Variants in LRCH3 observed in about 807,000 individuals in gnomAD.
LRCH3 encodes the protein leucine rich repeats and calponin homology domain containing 3, also known as DISP complex protein LRCH3.
Under a neutral mutation model 104.5 loss-of-function variants are expected in LRCH3, and 68 were observed. The observed-to-expected ratio is 0.65, with a 90% CI of 0.54 to 0.80. The LOEUF (loss-of-function observed/expected upper bound fraction) is 0.80, where lower values mean the gene tolerates loss of function less well. LRCH3 is among the 30% of genes least tolerant of loss of function. LRCH3 has a pLI of 0.00. For missense variants in LRCH3, 951 were observed against 953.9 expected (o/e 1.00, Z 0.04); for synonymous variants, 344 against 361.3 (o/e 0.95, Z 0.54).
chr3:197,803,715 T>C (rs142505135), intron 1 of LRCH3, among the ~76,000 whole-genome samples: 2 of 151,930 alleles, frequency 1.3e-5, no homozygotes, highest in Non-Finnish European at 2.9e-5. Context: ...TGGAGGATAG[T>C]GGTTTTTCAC....
At chr3:197,867,788 G>A (rs905316605) in intron 17 of LRCH3, among the ~76,000 whole-genome samples, 2 of 152,148 alleles carry the variant, frequency 1.3e-5, no homozygotes, top group African/African-American at 4.8e-5. Flanking sequence ...CCGGGAGGCA[G>A]AGCTTGCAGT....
chr3:197,791,404 G>T lies in LRCH3; in HGVS notation c.126G>T (p.Pro42=), dbSNP rs757294924. ...CCGGGGCAGGCCCTGGTTTTGGCCC[G>T]GGCTCGTGGAGCCGCTCTCTCGATC... is the stretch of plus-strand genomic sequence containing the variant. ...PSSGAGPGFG[P]GSWSRSLDRA... Residue 42 remains proline, a synonymous_variant, in exon 1 of 21, where the codon CCG becomes CCT. Transcript: ENST00000425562. 1.1e-5 allele frequency: 17 copies of T among 1,592,876 alleles called. No homozygotes were observed. Among genetic ancestry groups the T allele is most frequent in the Middle Eastern group, 1.7e-4 (1 of 6,048 alleles).
chr3:197,883,791 C>A lies in LRCH3; in HGVS notation c.*125C>A. On this transcript the variant is annotated 3_prime_UTR_variant, in exon 21 of 21. Coordinates refer to ENST00000425562, the MANE Select transcript of LRCH3 (RefSeq NM_001365715.1). The surrounding 1 kb of genome is among the most constrained non-coding windows in gnomAD (Gnocchi z 4.2). ...CTCAGAAGGGACCGTTCCCATGATTCCTAACAGGAATATTTTGCTTCATTT... is the reference window on the plus strand; with the variant it reads ...CTCAGAAGGGACCGTTCCCATGATTACTAACAGGAATATTTTGCTTCATTT... 1 of 1,018,768 alleles carries A rather than the reference C, an allele frequency of 9.8e-7. No homozygotes were observed. The highest frequency in any genetic ancestry group is 1.3e-6 in the Non-Finnish European group (1 of 765,360). The allele number at this position is 1,018,768 out of a possible 1,614,324, so 63.1% of individuals were successfully genotyped here.
chr3:197,877,961 A>G (rs575416485), intron 20 of LRCH3, among the ~76,000 whole-genome samples: 2 of 152,338 alleles, frequency 1.3e-5, no homozygotes, highest in South Asian at 2.1e-4. Context: ...TTCTGAAGAA[A>G]TAACATACAT....
chr3:197,880,911 CA>C, intron 20 of LRCH3: 1 of 1,423,510 alleles, frequency 7.0e-7, no homozygotes, highest in Non-Finnish European at 9.1e-7. Flanking sequence ...CGATTGCTAA[CA>C]AAGAGTAAAA....
At chr3:197,866,673 C>T (rs1580866611) in intron 17 of LRCH3, among the ~76,000 whole-genome samples, 1 of 152,236 alleles carries the variant, frequency 6.6e-6, no homozygotes, top group East Asian at 1.9e-4. Flanking sequence ...AAAATAACAA[C>T]TTTTATCATG....
At chr3:197,835,226 CAA>C (rs1211170839) in intron 8 of LRCH3, among the ~76,000 whole-genome samples, 1 of 151,828 alleles carries the variant, frequency 6.6e-6, no homozygotes, top group African/African-American at 2.4e-5. Context: ...CTATGTCACC[CAA>C]GCTGGAGTGC....
At chr3:197,825,682 T>C (rs796315623) in intron 4 of LRCH3, among the ~76,000 whole-genome samples, 3 of 151,786 alleles carry the variant, frequency 2.0e-5, no homozygotes, top group African/African-American at 7.2e-5. Context: ...GGTCTCACCG[T>C]GTTAGCCAGG....
intron 20 of LRCH3, among the ~76,000 whole-genome samples, chr3:197,879,603 C>T (rs950530285): frequency 1.3e-5 from 2 of 151,676 alleles, no homozygotes; most frequent in African/African-American, 4.8e-5. Context: ...CCGAGATCAG[C>T]GAGACTCCGT....
Position 197,813,528 on chromosome 3 carries a change from T to C in LRCH3, c.263-1380T>C, listed in dbSNP as rs1413978967. On this transcript the variant is annotated intron_variant, in intron 1 of 20. Coordinates refer to ENST00000425562, the MANE Select transcript of LRCH3 (RefSeq NM_001365715.1). ...GCATATAATTTTTTTTTTTTTTTTT[T>C]TTTTTTTTTTTTTTTTTTTTGAGAT... is the stretch of plus-strand genomic sequence containing the variant. Among the ~76,000 whole-genome samples the C allele has an allele frequency of 7.5e-4, 87 of 115,770 alleles. 5 individuals carry two copies. In the South Asian group the frequency reaches 0.01, roughly 14 times the overall value. 75.9% of individuals were successfully genotyped at this position (115,770 alleles called of 152,430 possible).
rs779261760 is a variant in LRCH3, at chr3:197,791,327, G to A, written c.49G>A (p.Gly17Ser). 2 of 1,609,594 alleles carry A rather than the reference G, an allele frequency of 1.2e-6. No homozygotes were observed. The highest frequency in any genetic ancestry group is 3.4e-5 in the Admixed American group (2 of 59,656). The change falls in exon 1 of 21, where the codon GGC becomes AGC. Residue 17 changes from glycine to serine, a missense_variant. Gly to Ser is a moderately conservative substitution (Grantham distance 56, BLOSUM62 0). Transcript: ENST00000425562. The stretch of plus-strand genomic sequence containing the variant: ...TGTGGCAGCGGCTGCCGAGTACTCT[G>A]GCACGGTAGCGTCGGGAGGTAACCT... ...VAVAAAAEYS[G>S]TVASGGNLPG...
intron 13 of LRCH3, 45 bp downstream of exon 13, chr3:197,852,665 C>A: frequency 6.4e-7 from 1 of 1,569,614 alleles, no homozygotes; most frequent in Non-Finnish European, 8.8e-7. Flanking sequence ...ATTATTTTTG[C>A]AATGGAAATG....
chr3:197,801,174 A>G (rs1283741154), intron 1 of LRCH3, among the ~76,000 whole-genome samples: 1 of 152,182 alleles, frequency 6.6e-6, no homozygotes, highest in African/African-American at 2.4e-5. Flanking sequence ...ATGTCGAGAA[A>G]GTGAAGTGTG....
chr3:197,882,427 A>G (rs1713851767), intron 20 of LRCH3: 1 of 965,028 alleles, frequency 1.0e-6, no homozygotes, highest in African/African-American at 1.8e-5. Context: ...AGTAAGCACA[A>G]GTACCAATAA....
intron 1 of LRCH3, among the ~76,000 whole-genome samples, chr3:197,792,646 A>G (rs571978084): frequency 1.7e-5 from 2 of 119,110 alleles, no homozygotes; most frequent in Non-Finnish European, 3.4e-5. Context: ...AATATTATAT[A>G]TAAAATATAT....
Position 197,824,243 on chromosome 3 carries a change from T to C in LRCH3, c.641-2635T>C, listed in dbSNP as rs561114276. Among the ~76,000 whole-genome samples the C allele has an allele frequency of 2.1e-4, 32 of 152,050 alleles. 2 individuals carry two copies. In the South Asian group the frequency reaches 5.8e-3, roughly 28 times the overall value. On this transcript the variant is annotated intron_variant, in intron 4 of 20. Transcript: ENST00000425562. ...CCATGCCCAGCTAATTTTTGTATTT[T>C]TAGTAGAGATGGGGTTTCACCATGT... is the stretch of plus-strand genomic sequence containing the variant.
At chr3:197,792,455 A>C (rs987055916) in intron 1 of LRCH3, among the ~76,000 whole-genome samples, 1 of 148,862 alleles carries the variant, frequency 6.7e-6, no homozygotes, top group Admixed American at 6.8e-5. Flanking sequence ...GTTCATCATC[A>C]TGTTTGCAGT....
chr3:197,836,159 TACTA>T (rs1736765623), intron 9 of LRCH3, among the ~76,000 whole-genome samples: 1 of 152,254 alleles, frequency 6.6e-6, no homozygotes, highest in African/African-American at 2.4e-5. Flanking sequence ...TTTTTATTGT[TACTA>T]ACTGATAAAT....
In LRCH3 at chr3:197,791,286, C is replaced by T. The variant is rs777850185; in HGVS notation, c.8C>T (p.Ala3Val). MA[A>V]AGLVAVAAAA... ...AGTGTTGTCGGCTGGGAAATGGCGG[C>T]CGCGGGCTTGGTCGCTGTGGCAGCG... The change falls in exon 1 of 21, where the codon GCC becomes GTC. Residue 3 changes from alanine to valine, a missense_variant. Transcript: ENST00000425562. 1.1e-5 allele frequency: 18 copies of T among 1,608,126 alleles called. No individual in the cohort carries two copies. The highest frequency in any genetic ancestry group is 6.7e-5 in the East Asian group (3 of 44,576).
Sources: gnomAD v4.1 joint callset for allele counts (sites outside exome capture counted in the v4.1 genomes callset) on GRCh38, gnomAD v4.1.1 for gene constraint, Gnocchi (gnomAD v3.1) non-coding constraint, MANE v1.5 for transcripts, NCBI Gene and HGNC (gene_info 2026-07-23, HGNC 2026-07-21) for gene names.